The following ATG4A variants were observed in gnomAD, a reference collection of about 807,000 sequenced individuals.
ATG4A encodes the protein cysteine protease ATG4A.
A neutral mutation model predicts 38.4 loss-of-function variants in ATG4A; 22 were observed. That is an observed-to-expected ratio of 0.57 (90% CI 0.41 to 0.82). The LOEUF is 0.82. Ranked by LOEUF, ATG4A falls within the 40% of genes least tolerant of loss-of-function variation. ATG4A has a pLI of 0.00. For missense variants in ATG4A, 220 were observed against 290.0 expected, an observed-to-expected ratio of 0.76 and a Z score of 1.75; for synonymous variants, 86 against 100.7, an observed-to-expected ratio of 0.85 and a Z score of 0.88.
chrX:108,118,252 C>T (rs950114813), intron 1 of ATG4A, among the ~76,000 whole-genome samples: 2 of 111,769 alleles, frequency 1.8e-5, no homozygotes, highest in Non-Finnish European at 3.8e-5. Context: ...TGCCTTAGGC[C>T]GGGCCTTCAA....
rs139918190 is a variant in ATG4A at position 108,141,071 on chromosome X, C to CATATATATAT, written c.814+2909_814+2918dup. ...ATACATATATACGTGTATATATATA[C>CATATATATAT]ATATATATATATATATATATATATA... On this transcript the variant is annotated intron_variant, in intron 9 of 12. Transcript: ENST00000372232. 1.0e-3 allele frequency among the ~76,000 whole-genome samples: 36 copies of CATATATATAT among 35,039 alleles called. 1 individual carries two copies. Among genetic ancestry groups the CATATATATAT allele is most frequent in the East Asian group, 3.4e-3 (4 of 1,193 alleles). The allele number at this position is 35,039 out of a possible 115,157, so 30.4% of individuals were successfully genotyped here.
intron 7 of ATG4A, among the ~76,000 whole-genome samples, chrX:108,137,415 T>C (rs1454048792): frequency 1.8e-5 from 2 of 112,570 alleles, no homozygotes; most frequent in Non-Finnish European, 3.8e-5. Flanking sequence ...AAAGTGTGTA[T>C]AATAATTTAT....
At chrX:108,153,389 G>GT (rs777947941) in intron 12 of ATG4A, among the ~76,000 whole-genome samples, 1 of 112,249 alleles carries the variant, frequency 8.9e-6, no homozygotes, top group South Asian at 3.8e-4. Context: ...TAATTCAAAG[G>GT]TATCTTGAAG....
intron 1 of ATG4A, among the ~76,000 whole-genome samples, chrX:108,117,116 G>A (rs1382970684): frequency 9.0e-6 from 1 of 111,564 alleles, no homozygotes; most frequent in Non-Finnish European, 1.9e-5. Flanking sequence ...ACTCAGTAAA[G>A]GATTGTTAAA....
chrX:108,097,894 T>G (rs1214330341), intron 1 of ATG4A, among the ~76,000 whole-genome samples: 1 of 112,663 alleles, frequency 8.9e-6, no homozygotes, highest in Non-Finnish European at 1.9e-5. Context: ...TGTGGCTTAT[T>G]GCACTTTACA....
chrX:108,108,352 T>A (rs1414584302), intron 1 of ATG4A, among the ~76,000 whole-genome samples: 1 of 108,275 alleles, frequency 9.2e-6, no homozygotes, highest in Non-Finnish European at 1.9e-5. Context: ...CAGAGATGTA[T>A]GAGTTATGTA....
chrX:108,095,594 A>G (rs1007432732), intron 1 of ATG4A, among the ~76,000 whole-genome samples: 1 of 111,701 alleles, frequency 9.0e-6, no homozygotes, highest in Non-Finnish European at 1.9e-5. Context: ...AACTCTGTTT[A>G]AGTTTTTGAG....
At chrX:108,109,093 C>G (rs746023479) in intron 1 of ATG4A, among the ~76,000 whole-genome samples, 9 of 111,774 alleles carry the variant, frequency 8.1e-5, no homozygotes, top group Non-Finnish European at 1.7e-4. Context: ...AGACTGTTTT[C>G]CACAGCACTT....
intron 1 of ATG4A, among the ~76,000 whole-genome samples, chrX:108,112,021 C>T (rs1602625695): frequency 9.0e-6 from 1 of 110,719 alleles, no homozygotes; most frequent in South Asian, 3.9e-4. Flanking sequence ...GTCTTGTGGG[C>T]ACATACTAGG....
intron 9 of ATG4A, among the ~76,000 whole-genome samples, chrX:108,142,226 G>A (rs1322941633): frequency 1.8e-5 from 2 of 110,858 alleles, no homozygotes; most frequent in Non-Finnish European, 3.8e-5. Flanking sequence ...GGGCAACATG[G>A]TGAAATGCCG....
intron 9 of ATG4A, among the ~76,000 whole-genome samples, chrX:108,144,040 A>G (rs991226048): frequency 4.4e-5 from 5 of 112,401 alleles, no homozygotes; most frequent in Non-Finnish European, 9.4e-5. Flanking sequence ...GAATGAGCTC[A>G]CTGCCACACT....
At chrX:108,149,119 T>C (rs1362868630) in intron 9 of ATG4A, among the ~76,000 whole-genome samples, 1 of 113,119 alleles carries the variant, frequency 8.8e-6, no homozygotes, top group Non-Finnish European at 1.9e-5. Context: ...ATGAACATAT[T>C]CTTTGCTGAC....
chrX:108,092,087 A>T (rs2031650484), intron 1 of ATG4A, among the ~76,000 whole-genome samples: 1 of 110,044 alleles, frequency 9.1e-6, no homozygotes, highest in Admixed American at 9.6e-5. Flanking sequence ...CCGCCTAGGG[A>T]GTGGAAAGAA....
chrX:108,147,985 A>G (rs1401232111), intron 9 of ATG4A, among the ~76,000 whole-genome samples: 2 of 91,200 alleles, frequency 2.2e-5, no homozygotes, highest in African/African-American at 7.8e-5. Context: ...AATCTGTATC[A>G]GTCAGGATTC....
At chrX:108,115,192 C>T (rs188518301) in intron 1 of ATG4A, among the ~76,000 whole-genome samples, 2 of 107,766 alleles carry the variant, frequency 1.9e-5, no homozygotes, top group Admixed American at 1.0e-4. Flanking sequence ...GTTTCTGCTT[C>T]TGTTAAATAA....
At chrX:108,151,301 T>G (rs2033582832) in intron 10 of ATG4A, among the ~76,000 whole-genome samples, 1 of 112,039 alleles carries the variant, frequency 8.9e-6, no homozygotes, top group African/African-American at 3.2e-5. Flanking sequence ...CAAGTCCTCC[T>G]CTTGTGAACC....
At chrX:108,141,071 C>CATATATATATATATAT (rs139918190) in intron 9 of ATG4A, among the ~76,000 whole-genome samples, 5 of 35,057 alleles carry the variant, frequency 1.4e-4, no homozygotes, top group Non-Finnish European at 1.4e-4. Context: ...TATATATATA[C>CATATATATATATATAT]ATATATATAT....
intron 1 of ATG4A, among the ~76,000 whole-genome samples, chrX:108,098,787 C>T (rs1481891965): frequency 8.9e-6 from 1 of 112,015 alleles, no homozygotes; most frequent in East Asian, 2.8e-4. Context: ...CAGCATAATA[C>T]ATTTGAGACT....
intron 1 of ATG4A, among the ~76,000 whole-genome samples, chrX:108,100,433 A>G (rs761854546): frequency 9.9e-5 from 11 of 110,592 alleles, no homozygotes; most frequent in Non-Finnish European, 1.9e-4. Context: ...GCAGAGAGGG[A>G]CAGTGATATT....
Sources: allele counts gnomAD v4.1 joint callset (sites outside exome capture counted in the v4.1 genomes callset), GRCh38; gene constraint gnomAD v4.1.1; transcripts MANE v1.5; gene names NCBI Gene and HGNC (gene_info 2026-07-23, HGNC 2026-07-21).